ZNF407: variants seen among roughly 807,000 people sequenced by gnomAD.
The protein encoded by ZNF407 is zinc finger protein 407.
Under a neutral mutation model 131.2 loss-of-function variants are expected in ZNF407, and 17 were observed. The ratio of observed to expected loss-of-function variants is 0.13; its 90% confidence interval spans 0.09 to 0.19. The LOEUF (loss-of-function observed/expected upper bound fraction) is 0.19, where lower values mean the gene tolerates loss of function less well. Ranked by LOEUF, ZNF407 falls within the 10% of genes least tolerant of loss-of-function variation. The probability of loss-of-function intolerance (pLI) is 1.00; values close to 1 mark genes in which losing one functional copy is unlikely to be tolerated. For synonymous variants in ZNF407, 1,156 were observed against 1,062.0 expected, an observed-to-expected ratio of 1.09 and a Z score of -1.72; for missense variants, 2,681 against 2,830.6, an observed-to-expected ratio of 0.95 and a Z score of 1.20.
Position 75,032,109 on chromosome 18 carries a change from C to T in ZNF407, c.5429-31041C>T, listed in dbSNP as rs190782312. On this transcript the variant is annotated intron_variant, in intron 8 of 8. Coordinates refer to ENST00000299687, the MANE Select transcript of ZNF407 (RefSeq NM_017757.3). ...GAATCACACTCTAAACGCCTGGACCCGAGAGCTCCCCCCACACTGAGGGGT... is the reference window on the plus strand; with the variant it reads ...GAATCACACTCTAAACGCCTGGACCTGAGAGCTCCCCCCACACTGAGGGGT... Among the ~76,000 whole-genome samples the T allele has an allele frequency of 2.0e-5, 3 of 152,280 alleles. No individual in the cohort carries two copies. In the East Asian group the frequency reaches 5.8e-4, roughly 29 times the overall value.
chr18:74,882,415 T>C (rs1971251139), intron 6 of ZNF407, among the ~76,000 whole-genome samples: 1 of 152,234 alleles, frequency 6.6e-6, no homozygotes, highest in African/African-American at 2.4e-5. Context: ...TTGTCAGTCA[T>C]ACTCAAAATG....
chr18:74,991,176 T>C (rs962599871), intron 8 of ZNF407, among the ~76,000 whole-genome samples: 4 of 152,212 alleles, frequency 2.6e-5, no homozygotes, highest in Non-Finnish European at 4.4e-5. Flanking sequence ...TTATAACTTA[T>C]GAAACTAAAA....
chr18:74,955,454 A>G (rs1382415129), intron 8 of ZNF407, among the ~76,000 whole-genome samples: 1 of 152,176 alleles, frequency 6.6e-6, no homozygotes, highest in Non-Finnish European at 1.5e-5. Flanking sequence ...GCCAACAGGG[A>G]GATGAATCAG....
At chr18:74,677,657 T>C (rs488294) in intron 3 of ZNF407, among the ~76,000 whole-genome samples, 119,842 of 152,108 alleles carry the variant, frequency 0.79, 47,395 homozygotes, top group East Asian at 0.9. Flanking sequence ...ACTTACCCTC[T>C]GTTTCTTTTC....
At chr18:74,775,913 T>C (rs1969460415) in intron 3 of ZNF407, among the ~76,000 whole-genome samples, 1 of 152,126 alleles carries the variant, frequency 6.6e-6, no homozygotes, top group South Asian at 2.1e-4. Flanking sequence ...CCACCAGATC[T>C]TGCGAGCTCT....
intron 4 of ZNF407, among the ~76,000 whole-genome samples, chr18:74,797,752 C>T (rs1385897863): frequency 2.0e-5 from 3 of 151,904 alleles, no homozygotes; most frequent in Admixed American, 6.6e-5. Flanking sequence ...AGCTGAAAAG[C>T]CCAGGCTGCT....
At chr18:74,804,193 G>T in intron 4 of ZNF407, 1 of 1,357,542 alleles carries the variant, frequency 7.4e-7, no homozygotes, top group Non-Finnish European at 9.5e-7. Context: ...ATTCATTTGT[G>T]TGATGTAAAT....
intron 3 of ZNF407, among the ~76,000 whole-genome samples, chr18:74,715,074 C>G (rs879283511): frequency 6.6e-6 from 1 of 152,152 alleles, no homozygotes; most frequent in Non-Finnish European, 1.5e-5. Flanking sequence ...ACACGTGAAC[C>G]AGTTACCTTT....
intron 3 of ZNF407, among the ~76,000 whole-genome samples, chr18:74,646,928 C>T (rs775664643): frequency 5.3e-5 from 8 of 152,074 alleles, no homozygotes; most frequent in Non-Finnish European, 8.8e-5. Context: ...ATTTTTGCCA[C>T]AGAAGGGTGG....
At chr18:75,023,672 G>A (rs1049265060) in intron 8 of ZNF407, among the ~76,000 whole-genome samples, 11 of 152,052 alleles carry the variant, frequency 7.2e-5, no homozygotes, top group African/African-American at 2.4e-4. Flanking sequence ...ATTATAGTCG[G>A]CTTTCTCTAA....
intron 8 of ZNF407, among the ~76,000 whole-genome samples, chr18:74,939,795 A>T (rs1408237838): frequency 6.6e-6 from 1 of 152,244 alleles, no homozygotes; most frequent in Non-Finnish European, 1.5e-5. Context: ...TCACTGATAG[A>T]AATTAAAGAC....
chr18:74,757,212 T>C (rs1214495873), intron 3 of ZNF407, among the ~76,000 whole-genome samples: 1 of 152,002 alleles, frequency 6.6e-6, no homozygotes, highest in Non-Finnish European at 1.5e-5. Context: ...TATTTTATTT[T>C]ATTTATTATT....
chr18:74,785,687 T>A (rs923445724), intron 4 of ZNF407, among the ~76,000 whole-genome samples: 1 of 152,220 alleles, frequency 6.6e-6, no homozygotes, highest in African/African-American at 2.4e-5. Flanking sequence ...ACCTTTTTTT[T>A]ATGAAACATG....
chr18:74,850,136 T>C (rs145075321), intron 4 of ZNF407, among the ~76,000 whole-genome samples: 10 of 152,348 alleles, frequency 6.6e-5, no homozygotes, highest in African/African-American at 2.2e-4. Flanking sequence ...TTAAAAACAC[T>C]GAACACTACA....
At chr18:74,656,897 A>T (rs1321348388) in intron 3 of ZNF407, among the ~76,000 whole-genome samples, 3 of 152,190 alleles carry the variant, frequency 2.0e-5, no homozygotes, top group Admixed American at 6.5e-5. Context: ...TAATAATTTA[A>T]GTTTTATGAA....
intron 8 of ZNF407, among the ~76,000 whole-genome samples, chr18:74,926,806 G>T (rs1971919872): frequency 6.6e-6 from 1 of 152,074 alleles, no homozygotes; most frequent in Non-Finnish European, 1.5e-5. Flanking sequence ...CTGTCTCAAG[G>T]TAAATAAATA....
intron 8 of ZNF407, chr18:74,921,105 G>C: frequency 2.6e-6 from 2 of 777,370 alleles, no homozygotes; most frequent in Non-Finnish European, 3.1e-6. Context: ...TGAATGCCTA[G>C]AAAGAATGTG....
Position 75,032,022 on chromosome 18 carries a change from A to T in ZNF407, c.5429-31128A>T, listed in dbSNP as rs527728815. 1.6e-3 allele frequency among the ~76,000 whole-genome samples: 239 copies of T among 152,300 alleles called. 1 individual carries two copies. Among genetic ancestry groups the T allele is most frequent in the Admixed American group, 3.5e-3 (53 of 15,308 alleles). ...ATTCCCCAAAACATGGAGTGTTTAC[A>T]TAGTTTAGGGCATGAAACTTTCTAT... On this transcript the variant is annotated intron_variant, in intron 8 of 8. Coordinates refer to ENST00000299687, the MANE Select transcript of ZNF407 (RefSeq NM_017757.3).
At chr18:74,808,835 TA>T (rs1010683292) in intron 4 of ZNF407, among the ~76,000 whole-genome samples, 9 of 152,120 alleles carry the variant, frequency 5.9e-5, no homozygotes, top group Admixed American at 1.3e-4. Flanking sequence ...TAGTACCCAA[TA>T]AAAAAGCTAA....
Sources: allele counts gnomAD v4.1 joint callset (sites outside exome capture counted in the v4.1 genomes callset), GRCh38; gene constraint gnomAD v4.1.1; transcripts MANE v1.5; gene names NCBI Gene and HGNC (gene_info 2026-07-23, HGNC 2026-07-21).